Variants in CADPS observed in about 807,000 individuals in gnomAD.
CADPS encodes the protein calcium dependent secretion activator.
In CADPS, 57 loss-of-function variants were observed where a neutral mutation model predicts 167.3. That is an observed-to-expected ratio of 0.34 (90% CI 0.28 to 0.42). The LOEUF (loss-of-function observed/expected upper bound fraction) is 0.42, where lower values mean the gene tolerates loss of function less well. Ranked by LOEUF, CADPS falls within the 20% of genes least tolerant of loss-of-function variation. The pLI, the probability that CADPS is intolerant of heterozygous loss-of-function variation, is 1.00. For missense variants in CADPS, 1,414 were observed against 1,738.1 expected (o/e 0.81, Z 3.32); for synonymous variants, 676 against 635.3 (o/e 1.06, Z -0.96).
rs2083277041 is a variant in CADPS, at chr3:62,753,916, T to A, written c.556-143A>T. ...GGTCTCACCCTGCCCCACCACCTCC[T>A]GGCTGTGCAAACTCAGAGTAGTCTC... is the stretch of plus-strand genomic sequence containing the variant. On this transcript the variant is annotated intron_variant, in intron 2 of 29. Transcript: ENST00000383710. The surrounding 1 kb of genome is among the most constrained non-coding windows in gnomAD (Gnocchi z 4.6). 3 of 696,938 alleles carry A rather than the reference T, an allele frequency of 4.3e-6. No individual in the cohort carries two copies. Among genetic ancestry groups the A allele is most frequent in the Non-Finnish European group, 7.2e-6 (3 of 414,198 alleles). The allele number at this position is 696,938 out of a possible 1,614,324, so 43.2% of individuals were successfully genotyped here.
At chr3:62,492,205 T>C in intron 20 of CADPS, 85 bp downstream of exon 20, 1 of 1,148,558 alleles carries the variant, frequency 8.7e-7, no homozygotes, top group Non-Finnish European at 1.3e-6. Flanking sequence ...GTCAAGCCTG[T>C]AGTCTGCTTG....
intron 6 of CADPS, among the ~76,000 whole-genome samples, chr3:62,635,475 C>T (rs549009133): frequency 2.6e-5 from 4 of 152,246 alleles, no homozygotes; most frequent in South Asian, 4.1e-4. Context: ...GTATAGTGTG[C>T]TACTTGCTAA....
intron 1 of CADPS, among the ~76,000 whole-genome samples, chr3:62,846,054 GCTCTCTCTCT>G (rs112418953): frequency 6.7e-5 from 10 of 148,260 alleles, no homozygotes; most frequent in East Asian, 2.0e-4. Context: ...TTCCCCCTTT[GCTCTCTCTCT>G]CTCTCTCTCT....
At chr3:62,551,265 C>T (rs2077276744) in intron 10 of CADPS, among the ~76,000 whole-genome samples, 1 of 152,190 alleles carries the variant, frequency 6.6e-6, no homozygotes, top group Non-Finnish European at 1.5e-5. Context: ...TCTCTTGCCA[C>T]TCAAGTCCCC....
At chr3:62,460,266 C>T (rs923123801) in intron 26 of CADPS, among the ~76,000 whole-genome samples, 5 of 152,176 alleles carry the variant, frequency 3.3e-5, no homozygotes, top group East Asian at 1.9e-4. Flanking sequence ...GTTCAATAAA[C>T]GCCAGCTACT....
At chr3:62,748,264 T>C (rs1390780357) in intron 3 of CADPS, among the ~76,000 whole-genome samples, 1 of 134,856 alleles carries the variant, frequency 7.4e-6, no homozygotes, top group African/African-American at 2.8e-5. Context: ...GAGAATGGCG[T>C]GAACCCGGGA....
rs1432499258 is a variant in CADPS, at chr3:62,412,384, T to G, written c.3778-9199A>C. Among the ~76,000 whole-genome samples the G allele has an allele frequency of 6.6e-6, 1 of 152,134 alleles. No individual in the cohort carries two copies. The highest frequency in any genetic ancestry group is 2.4e-5 in the African/African-American group (1 of 41,430). ...GAGAGAATTCAGCTCCTCTTTTGCC[T>G]TTAGCCTTTTCTCATTAGGAAGAGA... is the stretch of plus-strand genomic sequence containing the variant. On this transcript the variant is annotated intron_variant, in intron 28 of 29. Transcript: ENST00000383710. This position sits in a 1 kb window ranked among gnomAD's most constrained non-coding sequence, Gnocchi z 4.1.
intron 1 of CADPS, among the ~76,000 whole-genome samples, chr3:62,792,334 G>A (rs2093021025): frequency 6.6e-6 from 1 of 151,720 alleles, no homozygotes; most frequent in South Asian, 2.1e-4. Context: ...CTCCTGAGCA[G>A]CTTGGACTAC....
intron 9 of CADPS, among the ~76,000 whole-genome samples, chr3:62,565,523 A>G (rs1421918659): frequency 1.3e-5 from 2 of 152,166 alleles, no homozygotes; most frequent in Non-Finnish European, 2.9e-5. Flanking sequence ...GCCCCACCCC[A>G]GACTTACTGT....
Position 62,438,150 on chromosome 3 carries a change from A to T in CADPS, c.3731T>A (p.Leu1244Gln). The T allele has an allele frequency of 6.2e-7, 1 of 1,613,762 alleles. No individual in the cohort carries two copies. The highest frequency in any genetic ancestry group is 8.5e-7 in the Non-Finnish European group (1 of 1,179,692). The stretch of plus-strand genomic sequence containing the variant: ...CATCTCCTCATTGACCTTATCACGC[A>T]GGACATCCTGAGAATGGCGGACGAA... ...VTFVRHSQDV[L>Q]RDKVNEEMYI... Residue 1244 changes from leucine to glutamine, a missense_variant, in exon 28 of 30, where the codon CTG (leucine) becomes CAG (glutamine). Around this residue, in one of 6 missense-constraint regions of CADPS, gnomAD observed 185 missense variants for 251.5 expected, o/e 0.74. Transcript: ENST00000383710. The surrounding 1 kb of genome is among the most constrained non-coding windows in gnomAD (Gnocchi z 4.7).
chr3:62,681,544 C>T (rs1178065510), intron 3 of CADPS, among the ~76,000 whole-genome samples: 11 of 152,022 alleles, frequency 7.2e-5, no homozygotes, highest in African/African-American at 2.7e-4. Flanking sequence ...TTATTATTTG[C>T]GTACACATCT....
intron 3 of CADPS, among the ~76,000 whole-genome samples, chr3:62,677,886 G>T (rs1370184593): frequency 2.0e-5 from 3 of 152,106 alleles, no homozygotes; most frequent in African/African-American, 7.2e-5. Context: ...CACCAGGTTT[G>T]CAAGAACAAT....
chr3:62,860,245 T>C (rs1039273284), intron 1 of CADPS, among the ~76,000 whole-genome samples: 3 of 152,214 alleles, frequency 2.0e-5, no homozygotes, highest in African/African-American at 7.2e-5. Context: ...TGTAAGCCTT[T>C]GGTAAACAGT....
rs1224501684 is a variant in CADPS at position 62,570,942 on chromosome 3, A to G, written c.1578-4T>C. ...CTTACCGATGGCCCATAAATACCTA[A>G]GGGAAAGGAGAAAGACCAGAGCTGC... On this transcript the variant is annotated splice_region_variant and splice_polypyrimidine_tract_variant and intron_variant, in intron 8 of 29. Transcript: ENST00000383710. The G allele has an allele frequency of 1.9e-6, 3 of 1,581,428 alleles. No homozygotes were observed. The highest frequency in any genetic ancestry group is 1.7e-6 in the Non-Finnish European group (2 of 1,150,114).
At chr3:62,538,475 C>T (rs1218856075) in intron 11 of CADPS, among the ~76,000 whole-genome samples, 1 of 152,148 alleles carries the variant, frequency 6.6e-6, no homozygotes, top group Non-Finnish European at 1.5e-5. Flanking sequence ...TCAGGAGAAA[C>T]TAAGCATGGG....
intron 3 of CADPS, among the ~76,000 whole-genome samples, chr3:62,750,768 A>T (rs2082521053): frequency 6.6e-6 from 1 of 152,198 alleles, no homozygotes; most frequent in South Asian, 2.1e-4. Flanking sequence ...CAGATTCTCC[A>T]CTTAGCAATA....
intron 2 of CADPS, among the ~76,000 whole-genome samples, chr3:62,755,463 A>G (rs2083663315): frequency 6.6e-6 from 1 of 152,230 alleles, no homozygotes. Context: ...CAGAAGGTGC[A>G]TAAATATCCT....
At chr3:62,856,134 G>A (rs1481364542) in intron 1 of CADPS, among the ~76,000 whole-genome samples, 1 of 152,120 alleles carries the variant, frequency 6.6e-6, no homozygotes, top group African/African-American at 2.4e-5. Flanking sequence ...TCAGCTGATA[G>A]GGACAGAAGT....
intron 8 of CADPS, among the ~76,000 whole-genome samples, chr3:62,578,454 C>CA (rs1320252967): frequency 3.3e-5 from 5 of 151,374 alleles, no homozygotes; most frequent in Non-Finnish European, 7.4e-5. Flanking sequence ...ACTAAAAATA[C>CA]AAAAAATTAG....
Sources: allele counts gnomAD v4.1 joint callset (sites outside exome capture counted in the v4.1 genomes callset), GRCh38; gene constraint gnomAD v4.1.1; regional missense constraint gnomAD v4.1.1; non-coding constraint Gnocchi (gnomAD v3.1); transcripts MANE v1.5; gene names NCBI Gene and HGNC (gene_info 2026-07-23, HGNC 2026-07-21).